LDB2: variants seen among roughly 807,000 people sequenced by gnomAD.
LDB2 encodes LIM domain binding 2.
LDB2 carries 12 observed loss-of-function variants against 44.3 expected under a neutral mutation model. The observed-to-expected ratio is 0.27, with a 90% CI of 0.17 to 0.44. The LOEUF is 0.44. LDB2 is among the 20% of genes least tolerant of loss of function. LDB2 has a pLI of 1.00. For synonymous variants in LDB2, 164 were observed against 174.8 expected, an observed-to-expected ratio of 0.94 and a Z score of 0.49; for missense variants, 344 against 473.5, an observed-to-expected ratio of 0.73 and a Z score of 2.54.
intron 2 of LDB2, among the ~76,000 whole-genome samples, chr4:16,697,719 C>T (rs147967841): frequency 5.9e-5 from 9 of 152,166 alleles, no homozygotes; most frequent in African/African-American, 2.2e-4. Context: ...TACAGGGAGG[C>T]TCCTCAATTC....
rs192762640 is a variant in LDB2, at chr4:16,722,961, T to A, written c.235+36197A>T. On this transcript the variant is annotated intron_variant, in intron 2 of 7. Transcript: ENST00000304523. ...AATTTCTGATAGGGTTATATACAGA[T>A]AAACTCTCATAAGTTGAAAATATTA... Among the ~76,000 whole-genome samples the A allele has an allele frequency of 2.7e-4, 41 of 152,324 alleles. No homozygotes were observed. The East Asian group carries it at 6.9e-3, about 26-fold the overall frequency.
intron 1 of LDB2, among the ~76,000 whole-genome samples, chr4:16,894,818 C>T (rs1006680066): frequency 9.9e-5 from 15 of 152,050 alleles, no homozygotes; most frequent in African/African-American, 3.6e-4. Context: ...TTAATGAGTA[C>T]CTACTTGGTC....
At chr4:16,739,122 GC>G (rs929631856) in intron 2 of LDB2, among the ~76,000 whole-genome samples, 1 of 151,880 alleles carries the variant, frequency 6.6e-6, no homozygotes, top group African/African-American at 2.4e-5. Context: ...AATCTAAGGC[GC>G]CCCCCAAATC....
At chr4:16,782,572 A>C (rs776718595) in intron 1 of LDB2, among the ~76,000 whole-genome samples, 1 of 152,074 alleles carries the variant, frequency 6.6e-6, no homozygotes, top group African/African-American at 2.4e-5. Flanking sequence ...CGATTGTCTC[A>C]ATCTCCTGAC....
chr4:16,782,668 C>T (rs1561214917), intron 1 of LDB2, among the ~76,000 whole-genome samples: 1 of 152,080 alleles, frequency 6.6e-6, no homozygotes, highest in Admixed American at 6.5e-5. Context: ...ACTTCTTGAC[C>T]AACACAGTCT....
At chr4:16,514,590 T>G (rs977601138) in intron 5 of LDB2, among the ~76,000 whole-genome samples, 2 of 152,198 alleles carry the variant, frequency 1.3e-5, no homozygotes, top group Non-Finnish European at 2.9e-5. Context: ...GACCTAAGCT[T>G]GCTTAAACCA....
Position 16,894,199 on chromosome 4 carries a change from T to G in LDB2, c.132+4155A>C, listed in dbSNP as rs868167927. ...AAAACTATATAATTGTGCGGTTGTATTCTTCCAAAATACATTTGGCACTGC... is the reference window on the plus strand; with the variant it reads ...AAAACTATATAATTGTGCGGTTGTAGTCTTCCAAAATACATTTGGCACTGC... On this transcript the variant is annotated intron_variant, in intron 1 of 7. Coordinates refer to ENST00000304523, the MANE Select transcript of LDB2 (RefSeq NM_001290.5). 4.6e-5 allele frequency among the ~76,000 whole-genome samples: 7 copies of G among 152,334 alleles called. No homozygotes were observed. In the South Asian group the frequency reaches 1.4e-3, roughly 32 times the overall value.
intron 1 of LDB2, among the ~76,000 whole-genome samples, chr4:16,768,146 C>A (rs1002629285): frequency 6.6e-6 from 1 of 152,082 alleles, no homozygotes; most frequent in Admixed American, 6.5e-5. Context: ...ACATACACCC[C>A]CTCCAAAGAA....
intron 5 of LDB2, among the ~76,000 whole-genome samples, chr4:16,574,499 A>G (rs1315156191): frequency 6.6e-6 from 1 of 152,134 alleles, no homozygotes; most frequent in Non-Finnish European, 1.5e-5. Context: ...GCCGCAACCA[A>G]TGTATGGACT....
At chr4:16,765,878 G>A (rs948735337) in intron 1 of LDB2, among the ~76,000 whole-genome samples, 2 of 152,120 alleles carry the variant, frequency 1.3e-5, no homozygotes, top group African/African-American at 2.4e-5. Flanking sequence ...ACACTGCCAC[G>A]CTTTTGAGCC....
chr4:16,793,945 G>A (rs1776245542), intron 1 of LDB2, among the ~76,000 whole-genome samples: 1 of 152,136 alleles, frequency 6.6e-6, no homozygotes, highest in African/African-American at 2.4e-5. Context: ...TCTGGGACCT[G>A]CAGCTCCTTT....
At chr4:16,834,242 G>A (rs944610843) in intron 1 of LDB2, among the ~76,000 whole-genome samples, 17 of 152,182 alleles carry the variant, frequency 1.1e-4, no homozygotes, top group African/African-American at 4.1e-4. Flanking sequence ...AATGAATTGT[G>A]TATAAATGAA....
intron 4 of LDB2, among the ~76,000 whole-genome samples, chr4:16,586,261 A>T (rs567326825): frequency 6.6e-6 from 1 of 152,218 alleles, no homozygotes; most frequent in East Asian, 1.9e-4. Flanking sequence ...GGGAGAAATG[A>T]TGTTACTTCC....
At chr4:16,753,033 G>C (rs569316395) in intron 2 of LDB2, among the ~76,000 whole-genome samples, 1 of 152,292 alleles carries the variant, frequency 6.6e-6, no homozygotes, top group African/African-American at 2.4e-5. Flanking sequence ...GTTTCAGGTG[G>C]ACACCACAAA....
intron 2 of LDB2, chr4:16,653,908 G>A (rs1193886986): frequency 2.0e-5 from 3 of 152,118 alleles, no homozygotes; most frequent in Admixed American, 6.6e-5. Context: ...TTTGATTGGG[G>A]TAACAAATTT....
At chr4:16,848,483 A>C (rs1787535682) in intron 1 of LDB2, among the ~76,000 whole-genome samples, 2 of 152,230 alleles carry the variant, frequency 1.3e-5, no homozygotes, top group Non-Finnish European at 2.9e-5. Context: ...ACATGAATAG[A>C]AGCTGCAGGA....
chr4:16,659,570 G>A (rs1217879685), intron 2 of LDB2, among the ~76,000 whole-genome samples: 2 of 150,648 alleles, frequency 1.3e-5, no homozygotes, highest in African/African-American at 4.9e-5. Context: ...AGGGAGTTTT[G>A]AACACTCCTA....
chr4:16,726,570 A>G (rs1650794072), intron 2 of LDB2: 1 of 152,198 alleles, frequency 6.6e-6, no homozygotes, highest in Admixed American at 6.5e-5. Flanking sequence ...CCATTGGCCA[A>G]CTACACAACA....
chr4:16,743,219 GGCGGAGTTTGCAGTGAGCCGGGA>G (rs1337735410), intron 2 of LDB2, among the ~76,000 whole-genome samples: 6 of 152,130 alleles, frequency 3.9e-5, no homozygotes, highest in African/African-American at 1.4e-4. Context: ...GAACCCAGGA[GGCGGAGTTTGCAGTGAGCCGGGA>G]TCGCACCACT....
Sources: allele counts gnomAD v4.1 joint callset (sites outside exome capture counted in the v4.1 genomes callset), GRCh38; gene constraint gnomAD v4.1.1; transcripts MANE v1.5; gene names NCBI Gene and HGNC (gene_info 2026-07-23, HGNC 2026-07-21).